The following TAFA4 variants were observed in gnomAD, a reference collection of about 807,000 sequenced individuals.
TAFA4 encodes the protein chemokine-like protein TAFA-4.
In TAFA4, 20 loss-of-function variants were observed where a neutral mutation model predicts 21.1. That is an observed-to-expected ratio of 0.95 (90% CI 0.67 to 1.38). TAFA4 has a LOEUF of 1.38. TAFA4 is among the 40% of genes most tolerant of loss of function. TAFA4 has a pLI of 0.00. For missense variants in TAFA4, 211 were observed against 180.9 expected, an observed-to-expected ratio of 1.17 and a Z score of -0.95; for synonymous variants, 71 against 67.4, an observed-to-expected ratio of 1.05 and a Z score of -0.26.
At chr3:68,765,915 A>G (rs1702845088) in intron 3 of TAFA4, among the ~76,000 whole-genome samples, 1 of 152,184 alleles carries the variant, frequency 6.6e-6, no homozygotes, top group Non-Finnish European at 1.5e-5. Context: ...CAAGAGGCTA[A>G]GCTGACCATC....
chr3:68,797,612 C>CAAA (rs71112671), intron 3 of TAFA4, among the ~76,000 whole-genome samples: 22 of 75,950 alleles, frequency 2.9e-4, no homozygotes, highest in East Asian at 4.0e-4. Flanking sequence ...GACTCCATCT[C>CAAA]AAAAAAAAAA....
chr3:68,844,228 T>C (rs1176416961), intron 3 of TAFA4, among the ~76,000 whole-genome samples: 2 of 152,206 alleles, frequency 1.3e-5, no homozygotes, highest in African/African-American at 2.4e-5. Flanking sequence ...ATTCGACTTC[T>C]TCCTGTTTTA....
chr3:68,882,190 A>T (rs2089626559), intron 2 of TAFA4, among the ~76,000 whole-genome samples: 1 of 152,178 alleles, frequency 6.6e-6, no homozygotes, highest in African/African-American at 2.4e-5. Flanking sequence ...GTAATTTGCA[A>T]TGCAGCAATA....
chr3:68,821,962 T>A lies in TAFA4; in HGVS notation c.130+58768A>T, dbSNP rs369899245. 7.2e-5 allele frequency among the ~76,000 whole-genome samples: 11 copies of A among 152,314 alleles called. No individual in the cohort carries two copies. The East Asian group carries it at 2.1e-3, about 29-fold the overall frequency. On this transcript the variant is annotated intron_variant, in intron 3 of 5. Coordinates refer to ENST00000295569, the MANE Select transcript of TAFA4 (RefSeq NM_182522.5). Reference sequence around the variant, plus strand: ...CGGTAATTCTGCAATGGAAACCGCCTGTAGAAAATCTCTACCGGTATTAAT... The same window carrying A: ...CGGTAATTCTGCAATGGAAACCGCCAGTAGAAAATCTCTACCGGTATTAAT...
chr3:68,866,639 A>T (rs113578092), intron 3 of TAFA4, among the ~76,000 whole-genome samples: 6,519 of 143,764 alleles, frequency 0.045, 235 homozygotes, highest in Non-Finnish European at 0.074. Context: ...CAAGGATTCA[A>T]AATAGCAGTT....
chr3:68,736,171 C>A (rs1485999652), intron 5 of TAFA4, among the ~76,000 whole-genome samples: 1 of 152,038 alleles, frequency 6.6e-6, no homozygotes, highest in African/African-American at 2.4e-5. Flanking sequence ...AAGAAGATAT[C>A]ATACCCTTGT....
At chr3:68,829,259 T>A (rs988995185) in intron 3 of TAFA4, among the ~76,000 whole-genome samples, 1 of 152,044 alleles carries the variant, frequency 6.6e-6, no homozygotes, top group African/African-American at 2.4e-5. Context: ...TCCACAACCA[T>A]CTGATCTTTG....
chr3:68,752,751 A>C (rs920991208), intron 4 of TAFA4, 112 bp downstream of exon 4: 1 of 1,317,040 alleles, frequency 7.6e-7, no homozygotes, highest in African/African-American at 1.5e-5. Context: ...ATTGACACTG[A>C]TCTCAAAGCA....
At chr3:68,858,729 G>A (rs1407072960) in intron 3 of TAFA4, among the ~76,000 whole-genome samples, 2 of 151,926 alleles carry the variant, frequency 1.3e-5, no homozygotes, top group Non-Finnish European at 2.9e-5. Context: ...AGTAACCTGT[G>A]TAACGTCACA....
At chr3:68,789,511 A>C (rs1175743249) in intron 3 of TAFA4, among the ~76,000 whole-genome samples, 2 of 152,212 alleles carry the variant, frequency 1.3e-5, no homozygotes, top group Non-Finnish European at 2.9e-5. Context: ...TATGTATATC[A>C]AAATATCACA....
intron 1 of TAFA4, among the ~76,000 whole-genome samples, chr3:68,890,953 A>AGCCATT (rs2089724303): frequency 6.6e-6 from 1 of 152,146 alleles, no homozygotes; most frequent in African/African-American, 2.4e-5. Context: ...AAAGCTAGTG[A>AGCCATT]AAAACAGTGG....
chr3:68,826,387 C>CA (rs1407078034), intron 3 of TAFA4, among the ~76,000 whole-genome samples: 1 of 152,092 alleles, frequency 6.6e-6, no homozygotes, highest in African/African-American at 2.4e-5. Context: ...TCCTGGCTAA[C>CA]ACGGTGAAAT....
intron 1 of TAFA4, among the ~76,000 whole-genome samples, chr3:68,916,855 G>T (rs1001150431): frequency 2.0e-5 from 3 of 152,102 alleles, no homozygotes; most frequent in African/African-American, 7.2e-5. Flanking sequence ...TCCAGAAAGG[G>T]CTCTACCCCT....
rs551666321 is a variant in TAFA4, at chr3:68,753,864, T to A, written c.131-846A>T. ...CTGATTCTTCCCCAGAGCCTCCCCA[T>A]AAAGGAATGCAGTCTGCTGCTACCT... is the stretch of plus-strand genomic sequence containing the variant. On this transcript the variant is annotated intron_variant, in intron 3 of 5. Transcript: ENST00000295569. Among the ~76,000 whole-genome samples the A allele has an allele frequency of 2.4e-4, 36 of 152,286 alleles. 1 individual carries two copies. The South Asian group carries it at 7.2e-3, about 31-fold the overall frequency.
intron 4 of TAFA4, among the ~76,000 whole-genome samples, chr3:68,749,012 C>G (rs75197371): frequency 6.6e-6 from 1 of 152,002 alleles, no homozygotes; most frequent in Admixed American, 6.5e-5. Context: ...ATATGCCAGC[C>G]GAAGATTCAC....
chr3:68,732,958 T>G lies in TAFA4; in HGVS notation c.*184A>C. ...GGCTTGTGGTTATAATTCAATGAAA[T>G]AAAATCACGAAGCAGAGAGGGCTGG... is the stretch of plus-strand genomic sequence containing the variant. On this transcript the variant is annotated 3_prime_UTR_variant, in exon 6 of 6. Coordinates refer to ENST00000295569, the MANE Select transcript of TAFA4 (RefSeq NM_182522.5). The G allele has an allele frequency of 1.5e-6, 1 of 649,258 alleles. No homozygotes were observed. Among genetic ancestry groups the G allele is most frequent in the Non-Finnish European group, 2.5e-6 (1 of 393,324 alleles). 40.2% of individuals were successfully genotyped at this position (649,258 alleles called of 1,614,324 possible).
In TAFA4 at chr3:68,782,581, T is replaced by A. The variant is rs566208914; in HGVS notation, c.131-29563A>T. 4.1e-4 allele frequency among the ~76,000 whole-genome samples: 62 copies of A among 152,146 alleles called. 1 individual carries two copies. Among genetic ancestry groups the A allele is most frequent in the African/African-American group, 1.5e-3 (61 of 41,502 alleles). On this transcript the variant is annotated intron_variant, in intron 3 of 5. Coordinates refer to ENST00000295569, the MANE Select transcript of TAFA4 (RefSeq NM_182522.5). ...TGAAAAAAAATTGAGTACTGATACA[T>A]GCTACAACATGAATGAACCTTAAAA...
intron 3 of TAFA4, among the ~76,000 whole-genome samples, chr3:68,817,609 G>A (rs116199300): frequency 1.3e-5 from 2 of 152,300 alleles, no homozygotes; most frequent in Non-Finnish European, 1.5e-5. Context: ...AATAAGACTT[G>A]TAAGTTGAAA....
At chr3:68,880,709 T>G in intron 3 of TAFA4, 21 bp downstream of exon 3, 1 of 1,603,850 alleles carries the variant, frequency 6.2e-7, no homozygotes, top group Non-Finnish European at 8.5e-7. Context: ...CAGCAGTGCA[T>G]AATGAGCTTA....
Sources: allele counts gnomAD v4.1 joint callset (sites outside exome capture counted in the v4.1 genomes callset), GRCh38; gene constraint gnomAD v4.1.1; transcripts MANE v1.5; gene names NCBI Gene and HGNC (gene_info 2026-07-23, HGNC 2026-07-21).